The following PDZRN4 variants were observed in gnomAD, a reference collection of about 807,000 sequenced individuals.
PDZRN4 encodes the protein PDZ domain containing ring finger 4.
A neutral mutation model predicts 99.0 loss-of-function variants in PDZRN4; 70 were observed. The observed-to-expected ratio is 0.71, with a 90% CI of 0.58 to 0.86. PDZRN4 has a LOEUF of 0.86. Among genes scored for constraint, PDZRN4 ranks in the 40% least tolerant of loss-of-function variants. The pLI is 0.00. For synonymous variants in PDZRN4, 551 were observed against 501.6 expected (o/e 1.10, Z -1.32); for missense variants, 1,474 against 1,331.2 (o/e 1.11, Z -1.67).
intron 3 of PDZRN4, among the ~76,000 whole-genome samples, chr12:41,324,018 T>C (rs1383593289): frequency 1.3e-5 from 2 of 152,094 alleles, no homozygotes; most frequent in Non-Finnish European, 1.5e-5. Flanking sequence ...AAGACATTCA[T>C]AGTCTTATAA....
At chr12:41,402,087 G>A (rs1246597821) in intron 3 of PDZRN4, among the ~76,000 whole-genome samples, 9 of 47,818 alleles carry the variant, frequency 1.9e-4, no homozygotes, top group African/African-American at 3.4e-4. Flanking sequence ...AAAAAAAAAA[G>A]AAATATATAT....
At chr12:41,432,175 G>A (rs10880075) in intron 3 of PDZRN4, among the ~76,000 whole-genome samples, 77,647 of 151,990 alleles carry the variant, frequency 0.51, 20,336 homozygotes, top group African/African-American at 0.64. Flanking sequence ...GAATTTAAAC[G>A]TACAGATAGT....
At chr12:41,403,517 G>A (rs898150299) in intron 3 of PDZRN4, among the ~76,000 whole-genome samples, 5 of 152,062 alleles carry the variant, frequency 3.3e-5, no homozygotes, top group African/African-American at 4.8e-5. Context: ...TCACTCCAAG[G>A]TTTTGGATCC....
rs933890147 is a variant in PDZRN4, at chr12:41,574,066, C to A, written c.*176C>A. 2 of 418,346 alleles carry A rather than the reference C, an allele frequency of 4.8e-6. No homozygotes were observed. The highest frequency in any genetic ancestry group is 8.4e-6 in the Non-Finnish European group (2 of 237,188). The allele number at this position is 418,346 out of a possible 1,614,324, so 25.9% of individuals were successfully genotyped here. On this transcript the variant is annotated 3_prime_UTR_variant, in exon 10 of 10. Transcript: ENST00000402685. ...TTCATTTGTTTTTCATATACTGGTA[C>A]CTTCTTTTTGGCTGAGATCTTTCTT...
At chr12:41,304,774 C>A (rs528827277) in intron 3 of PDZRN4, among the ~76,000 whole-genome samples, 2 of 152,282 alleles carry the variant, frequency 1.3e-5, no homozygotes, top group Admixed American at 1.3e-4. Flanking sequence ...GTGAATGCAA[C>A]AATAGAAGAA....
chr12:41,467,551 C>T (rs184428810), intron 3 of PDZRN4, among the ~76,000 whole-genome samples: 3 of 152,284 alleles, frequency 2.0e-5, no homozygotes, highest in African/African-American at 4.8e-5. Flanking sequence ...GTTCTATATT[C>T]ATTCAGAGGA....
At chr12:41,355,867 A>G (rs1592025661) in intron 3 of PDZRN4, among the ~76,000 whole-genome samples, 2 of 152,030 alleles carry the variant, frequency 1.3e-5, no homozygotes, top group African/African-American at 4.8e-5. Flanking sequence ...TTGACAAATG[A>G]ACGCATGTAT....
intron 3 of PDZRN4, among the ~76,000 whole-genome samples, chr12:41,210,443 AATT>A (rs1950881028): frequency 6.6e-6 from 1 of 151,992 alleles, no homozygotes; most frequent in Non-Finnish European, 1.5e-5. Context: ...AATAATGTTA[AATT>A]ATTATTGATA....
intron 3 of PDZRN4, among the ~76,000 whole-genome samples, chr12:41,241,765 T>C (rs1304995537): frequency 6.6e-6 from 1 of 152,184 alleles, no homozygotes; most frequent in Non-Finnish European, 1.5e-5. Context: ...TATTCATGGT[T>C]TTATTATGAT....
intron 5 of PDZRN4, among the ~76,000 whole-genome samples, chr12:41,539,820 G>A (rs1339773769): frequency 1.3e-5 from 2 of 152,084 alleles, no homozygotes; most frequent in South Asian, 2.1e-4. Context: ...ACATAGACAC[G>A]GGCATCTCCC....
chr12:41,571,545 T>A (rs1365392318), intron 9 of PDZRN4, among the ~76,000 whole-genome samples: 1 of 152,090 alleles, frequency 6.6e-6, no homozygotes, highest in Non-Finnish European at 1.5e-5. Flanking sequence ...TAGACTAAAA[T>A]TTATCTTTGA....
intron 3 of PDZRN4, among the ~76,000 whole-genome samples, chr12:41,463,508 G>T (rs1565589558): frequency 6.6e-6 from 1 of 151,920 alleles, no homozygotes; most frequent in Non-Finnish European, 1.5e-5. Flanking sequence ...GTATCTAGTA[G>T]AATGTCTTAT....
At chr12:41,482,534 T>C (rs1345711437) in intron 3 of PDZRN4, among the ~76,000 whole-genome samples, 2 of 152,166 alleles carry the variant, frequency 1.3e-5, no homozygotes, top group Admixed American at 1.3e-4. Context: ...TCAGCTTCTG[T>C]CATATATGTT....
chr12:41,344,852 G>C (rs1322414445), intron 3 of PDZRN4, among the ~76,000 whole-genome samples: 3 of 151,342 alleles, frequency 2.0e-5, no homozygotes, highest in Non-Finnish European at 4.4e-5. Flanking sequence ...AGCATAAAGT[G>C]CAGCTTTTCA....
At chr12:41,302,044 G>A (rs1225365971) in intron 3 of PDZRN4, among the ~76,000 whole-genome samples, 1 of 151,940 alleles carries the variant, frequency 6.6e-6, no homozygotes, top group East Asian at 1.9e-4. Context: ...AACATTAATA[G>A]AATATTTCAT....
Position 41,189,068 on chromosome 12 carries a change from A to C in PDZRN4, c.613A>C (p.Asn205His), listed in dbSNP as rs753828526. 1.9e-6 allele frequency: 3 copies of C among 1,581,072 alleles called. No individual in the cohort carries two copies. Among genetic ancestry groups the C allele is most frequent in the East Asian group, 2.3e-5 (1 of 43,968 alleles). The change falls in exon 1 of 10, where the codon AAC (asparagine) becomes CAC (histidine). Residue 205 changes from asparagine (N) to histidine (H), a missense_variant. Physicochemically the swap from Asn to His is moderately conservative, Grantham distance 68. Transcript: ENST00000402685. ...CACCCAATACATGGCTCACGTCCGC[A>C]ACTTCGTCGGCGACCTCGGTGGCGG... ...KFTQYMAHVR[N>H]FVGDLGGGHR...
At chr12:41,360,167 G>C (rs2121056657) in intron 3 of PDZRN4, among the ~76,000 whole-genome samples, 1 of 151,984 alleles carries the variant, frequency 6.6e-6, no homozygotes, top group African/African-American at 2.4e-5. Flanking sequence ...ATAATACCTA[G>C]CTATTAGCAT....
intron 3 of PDZRN4, among the ~76,000 whole-genome samples, chr12:41,380,391 T>G (rs1299022155): frequency 6.6e-6 from 1 of 152,084 alleles, no homozygotes; most frequent in African/African-American, 2.4e-5. Flanking sequence ...GTTTTCTGAC[T>G]GTCGTTAATT....
chr12:41,453,815 TG>T (rs1370574730), intron 3 of PDZRN4, among the ~76,000 whole-genome samples: 2 of 151,614 alleles, frequency 1.3e-5, no homozygotes, highest in Non-Finnish European at 1.5e-5. Flanking sequence ...AGATTTAGAG[TG>T]GGGGGTTTCC....
Sources: allele counts gnomAD v4.1 joint callset (sites outside exome capture counted in the v4.1 genomes callset), GRCh38; gene constraint gnomAD v4.1.1; transcripts MANE v1.5; gene names NCBI Gene and HGNC (gene_info 2026-07-23, HGNC 2026-07-21).